Variants in FHIT observed in about 807,000 individuals in gnomAD.
The protein encoded by FHIT is fragile histidine triad diadenosine triphosphatase, also known as bis(5'-adenosyl)-triphosphatase.
In FHIT, 19 loss-of-function variants were observed where a neutral mutation model predicts 17.9. The observed-to-expected ratio is 1.06, with a 90% CI of 0.74 to 1.56. The LOEUF is 1.56. Among genes scored for constraint, FHIT ranks in the 40% most tolerant of loss-of-function variants. The pLI is 0.00. For synonymous variants in FHIT, 81 were observed against 69.7 expected, an observed-to-expected ratio of 1.16 and a Z score of -0.81; for missense variants, 248 against 189.2, an observed-to-expected ratio of 1.31 and a Z score of -1.82.
At chr3:60,340,504 A>G (rs1710463422) in intron 5 of FHIT, among the ~76,000 whole-genome samples, 1 of 152,198 alleles carries the variant, frequency 6.6e-6, no homozygotes, top group Non-Finnish European at 1.5e-5. Flanking sequence ...GAACAGATAC[A>G]AATCAAGGGA....
At chr3:60,850,939 G>A (rs1169762622) in intron 3 of FHIT, among the ~76,000 whole-genome samples, 1 of 152,026 alleles carries the variant, frequency 6.6e-6, no homozygotes, top group Admixed American at 6.6e-5. Flanking sequence ...TAAGAGAGTG[G>A]CTAGATGCCT....
intron 4 of FHIT, among the ~76,000 whole-genome samples, chr3:60,780,068 G>A (rs1700334621): frequency 6.6e-6 from 1 of 152,122 alleles, no homozygotes; most frequent in African/African-American, 2.4e-5. Flanking sequence ...GAAAGAGGAT[G>A]CTCTTCCCTC....
intron 5 of FHIT, among the ~76,000 whole-genome samples, chr3:60,066,439 A>G (rs1345547578): frequency 3.3e-5 from 5 of 152,032 alleles, no homozygotes; most frequent in South Asian, 4.2e-4. Flanking sequence ...ATCTCCATGC[A>G]TGCATTATAT....
intron 5 of FHIT, among the ~76,000 whole-genome samples, chr3:60,394,710 A>G (rs1440333997): frequency 6.6e-6 from 1 of 152,184 alleles, no homozygotes; most frequent in Non-Finnish European, 1.5e-5. Context: ...GAGTTGATAC[A>G]TATTATATAT....
At chr3:60,770,393 A>G (rs1375840640) in intron 4 of FHIT, among the ~76,000 whole-genome samples, 2 of 152,192 alleles carry the variant, frequency 1.3e-5, no homozygotes, top group Non-Finnish European at 2.9e-5. Flanking sequence ...TTTGCTCCAC[A>G]TCATGAATTC....
chr3:60,873,695 T>G (rs771735889), intron 3 of FHIT, among the ~76,000 whole-genome samples: 1 of 152,208 alleles, frequency 6.6e-6, no homozygotes, highest in Non-Finnish European at 1.5e-5. Flanking sequence ...AACTGGCTGA[T>G]AGCTGTAAAG....
intron 5 of FHIT, among the ~76,000 whole-genome samples, chr3:60,522,805 T>C (rs1397053796): frequency 1.3e-5 from 2 of 152,190 alleles, no homozygotes; most frequent in Non-Finnish European, 2.9e-5. Context: ...GAATTGATGC[T>C]CTTTCCTTAT....
At chr3:59,971,575 C>G (rs1272712597) in intron 7 of FHIT, among the ~76,000 whole-genome samples, 1 of 152,110 alleles carries the variant, frequency 6.6e-6, no homozygotes, top group East Asian at 1.9e-4. Flanking sequence ...CCCTTCATAA[C>G]TAATGGGAGG....
intron 5 of FHIT, among the ~76,000 whole-genome samples, chr3:60,457,735 G>GA (rs568803557): frequency 6.4e-5 from 9 of 139,822 alleles, no homozygotes; most frequent in African/African-American, 1.7e-4. Flanking sequence ...AAATTTACAA[G>GA]AAAAAAAACA....
intron 5 of FHIT, among the ~76,000 whole-genome samples, chr3:60,018,271 C>A (rs949859061): frequency 6.6e-6 from 1 of 152,184 alleles, no homozygotes; most frequent in Non-Finnish European, 1.5e-5. Context: ...AGAGAGCTCA[C>A]TGGTTACCAC....
chr3:60,627,559 G>A (rs375795528), intron 4 of FHIT, among the ~76,000 whole-genome samples: 16 of 152,196 alleles, frequency 1.1e-4, no homozygotes, highest in African/African-American at 3.9e-4. Flanking sequence ...AGGCTGGAGT[G>A]CAGTGACAGG....
At chr3:60,470,877 T>C (rs2033056120) in intron 5 of FHIT, among the ~76,000 whole-genome samples, 1 of 152,182 alleles carries the variant, frequency 6.6e-6, no homozygotes, top group Admixed American at 6.5e-5. Context: ...AAGTACTGCT[T>C]GGCTATCACT....
chr3:60,182,918 AAAAAAAAAG>A (rs1329697217), intron 5 of FHIT, among the ~76,000 whole-genome samples: 19 of 151,984 alleles, frequency 1.3e-4, no homozygotes, highest in Non-Finnish European at 2.1e-4. Flanking sequence ...AGGGTTAAAA[AAAAAAAAAG>A]AAAAAAAAGA....
intron 5 of FHIT, among the ~76,000 whole-genome samples, chr3:60,466,912 C>T (rs938263149): frequency 1.3e-5 from 2 of 150,536 alleles, no homozygotes; most frequent in Non-Finnish European, 3.0e-5. Flanking sequence ...AGTATTCCTT[C>T]CTCATCAGTT....
chr3:60,122,531 G>C (rs554427887), intron 5 of FHIT, among the ~76,000 whole-genome samples: 1 of 152,122 alleles, frequency 6.6e-6, no homozygotes, highest in African/African-American at 2.4e-5. Context: ...ACAGTGTCTA[G>C]CCACAAGAAC....
At chr3:60,955,633 T>TATATATACACACAC (rs1272864632) in intron 3 of FHIT, among the ~76,000 whole-genome samples, 6 of 39,538 alleles carry the variant, frequency 1.5e-4, no homozygotes, top group African/African-American at 4.8e-4. Context: ...TATATATATA[T>TATATATACACACAC]ACACACACAC....
chr3:60,837,272 C>A (rs1408401148), intron 3 of FHIT, among the ~76,000 whole-genome samples: 1 of 152,076 alleles, frequency 6.6e-6, no homozygotes, highest in East Asian at 1.9e-4. Context: ...AAGGTTGTAT[C>A]TTGAAAACCA....
intron 5 of FHIT, among the ~76,000 whole-genome samples, chr3:60,432,057 C>A (rs1445855460): frequency 6.6e-6 from 1 of 152,068 alleles, no homozygotes; most frequent in Admixed American, 6.6e-5. Context: ...CTCACTGCAA[C>A]CTCCGCCTCC....
intron 5 of FHIT, among the ~76,000 whole-genome samples, chr3:60,032,408 T>C (rs998557922): frequency 6.6e-6 from 1 of 151,808 alleles, no homozygotes. Context: ...GCTATGATCA[T>C]ACTACTGCAC....
Sources: gnomAD v4.1 joint callset for allele counts (sites outside exome capture counted in the v4.1 genomes callset) on GRCh38, gnomAD v4.1.1 for gene constraint, MANE v1.5 for transcripts, NCBI Gene and HGNC (gene_info 2026-07-23, HGNC 2026-07-21) for gene names.